The following PCDHA1 variants were observed in gnomAD, a reference collection of about 807,000 sequenced individuals.
The protein encoded by PCDHA1 is protocadherin alpha 1.
A neutral mutation model predicts 61.3 loss-of-function variants in PCDHA1; 42 were observed. That is an observed-to-expected ratio of 0.69 (90% CI 0.54 to 0.89). The LOEUF is 0.89. Ranked by LOEUF, PCDHA1 falls within the 40% of genes least tolerant of loss-of-function variation. The probability of loss-of-function intolerance (pLI) is 0.00; values close to 1 mark genes in which losing one functional copy is unlikely to be tolerated. For missense variants in PCDHA1, 1,256 were observed against 1,235.3 expected (o/e 1.02, Z -0.25); for synonymous variants, 610 against 553.8 (o/e 1.10, Z -1.43).
At chr5:140,974,284 G>C (rs1409183152) in intron 1 of PCDHA1, among the ~76,000 whole-genome samples, 2 of 152,092 alleles carry the variant, frequency 1.3e-5, no homozygotes, top group Non-Finnish European at 2.9e-5. Flanking sequence ...CAGAACTCTG[G>C]GCTCCAAGGA....
intron 1 of PCDHA1, chr5:140,836,329 T>C: frequency 6.2e-7 from 1 of 1,613,654 alleles, no homozygotes; most frequent in Non-Finnish European, 8.5e-7. Context: ...CGCCTTCTGG[T>C]GCTTGTGAAG....
chr5:140,961,738 G>A (rs976601916), intron 1 of PCDHA1, among the ~76,000 whole-genome samples: 2 of 152,118 alleles, frequency 1.3e-5, no homozygotes, highest in African/African-American at 4.8e-5. Flanking sequence ...AATCACTTTA[G>A]TAATATTACA....
intron 1 of PCDHA1, chr5:140,856,194 A>G (rs1299614347): frequency 1.3e-6 from 2 of 1,598,082 alleles, no homozygotes; most frequent in Non-Finnish European, 1.7e-6. Context: ...CGCATCGCGC[A>G]GGACCTGGGG....
At chr5:140,892,236 C>T (rs1490048562) in intron 1 of PCDHA1, among the ~76,000 whole-genome samples, 3 of 152,140 alleles carry the variant, frequency 2.0e-5, no homozygotes, top group African/African-American at 7.2e-5. Context: ...TTTGTCTCCA[C>T]ATAAACCTGG....
chr5:140,829,250 T>C, intron 1 of PCDHA1: 1 of 1,614,278 alleles, frequency 6.2e-7, no homozygotes, highest in Non-Finnish European at 8.5e-7. Context: ...GCAGGTGAAC[T>C]GCTCGCTGAC....
chr5:140,881,595 TTAATA>T (rs2058765091), intron 1 of PCDHA1, among the ~76,000 whole-genome samples: 1 of 152,250 alleles, frequency 6.6e-6, no homozygotes, highest in Non-Finnish European at 1.5e-5. Flanking sequence ...GGGAAATTTA[TTAATA>T]TGATGTGCTT....
intron 1 of PCDHA1, chr5:140,864,039 A>G (rs1287126881): frequency 6.5e-6 from 1 of 152,908 alleles, no homozygotes; most frequent in Non-Finnish European, 1.5e-5. Context: ...CATCTTAATC[A>G]CTTTTTACTA....
chr5:140,941,461 G>A (rs1202773112), intron 1 of PCDHA1, among the ~76,000 whole-genome samples: 7 of 150,524 alleles, frequency 4.7e-5, no homozygotes, highest in Non-Finnish European at 7.4e-5. Context: ...GATTACAGGC[G>A]CCCACCACCA....
chr5:140,792,284 C>A (rs1554118779), intron 1 of PCDHA1, among the ~76,000 whole-genome samples: 1 of 152,052 alleles, frequency 6.6e-6, no homozygotes, highest in Non-Finnish European at 1.5e-5. Flanking sequence ...TTATAAGGGG[C>A]AACCATCATT....
chr5:140,812,423 A>G (rs1765104720), intron 1 of PCDHA1: 1 of 151,764 alleles, frequency 6.6e-6, no homozygotes, highest in Non-Finnish European at 1.5e-5. Flanking sequence ...TTGTTTTTTC[A>G]AAAAATCAAC....
chr5:141,000,618 G>A (rs1354281260), intron 3 of PCDHA1, among the ~76,000 whole-genome samples: 1 of 150,858 alleles, frequency 6.6e-6, no homozygotes, highest in Non-Finnish European at 1.5e-5. Flanking sequence ...AGTAGAGACA[G>A]GGTTTCACCA....
At chr5:140,797,198 T>C in intron 1 of PCDHA1, 1 of 1,614,096 alleles carries the variant, frequency 6.2e-7, no homozygotes, top group South Asian at 1.1e-5. Flanking sequence ...TCCAGCGCCG[T>C]GGGGAGCTGG....
intron 1 of PCDHA1, among the ~76,000 whole-genome samples, chr5:140,912,293 C>T (rs1231004722): frequency 6.6e-6 from 1 of 152,110 alleles, no homozygotes; most frequent in Admixed American, 6.6e-5. Flanking sequence ...AATACTTTGC[C>T]TCCTGTAATC....
At chr5:140,962,585 T>C (rs2095694248) in intron 1 of PCDHA1, among the ~76,000 whole-genome samples, 1 of 152,216 alleles carries the variant, frequency 6.6e-6, no homozygotes, top group South Asian at 2.1e-4. Flanking sequence ...ATGCCAAATA[T>C]TTGACTGATA....
intron 1 of PCDHA1, among the ~76,000 whole-genome samples, chr5:140,806,086 G>GA (rs1447244783): frequency 6.6e-6 from 1 of 152,142 alleles, no homozygotes; most frequent in African/African-American, 2.4e-5. Flanking sequence ...TGTAAAAGAA[G>GA]AAAAAATACC....
chr5:140,790,301 A>G (rs1379958224), intron 1 of PCDHA1, among the ~76,000 whole-genome samples: 1 of 152,172 alleles, frequency 6.6e-6, no homozygotes, highest in Non-Finnish European at 1.5e-5. Context: ...ATAATGTTAA[A>G]TTTTATTTCC....
At chr5:140,875,953 G>T (rs782793293) in intron 1 of PCDHA1, 1 of 1,614,066 alleles carries the variant, frequency 6.2e-7, no homozygotes, top group African/African-American at 1.3e-5. Context: ...TTCTGATGCG[G>T]ATATCGGCGT....
intron 1 of PCDHA1, chr5:140,803,623 G>C: frequency 6.2e-7 from 1 of 1,613,908 alleles, no homozygotes; most frequent in Non-Finnish European, 8.5e-7. Context: ...TTTCCAAAAT[G>C]TCTTTGTTTT....
At chr5:140,968,044 A>G (rs959631573) in intron 1 of PCDHA1, 2 of 1,614,024 alleles carry the variant, frequency 1.2e-6, no homozygotes, top group Non-Finnish European at 1.7e-6. Context: ...TGAGCGGCCC[A>G]CTGGACCGAG....
Sources: gnomAD v4.1 joint callset for allele counts (sites outside exome capture counted in the v4.1 genomes callset) on GRCh38, gnomAD v4.1.1 for gene constraint, MANE v1.5 for transcripts, NCBI Gene and HGNC (gene_info 2026-07-23, HGNC 2026-07-21) for gene names.